Variants in CARMIL1 observed in about 807,000 individuals in gnomAD.
CARMIL1 encodes the protein capping protein regulator and myosin 1 linker 1.
In CARMIL1, 90 loss-of-function variants were observed where a neutral mutation model predicts 177.1. The observed-to-expected ratio is 0.51, with a 90% CI of 0.43 to 0.61. CARMIL1 has a LOEUF of 0.61. CARMIL1 is among the 20% of genes least tolerant of loss of function. The probability of loss-of-function intolerance (pLI) is 0.00; values close to 1 mark genes in which losing one functional copy is unlikely to be tolerated. For missense variants in CARMIL1, 1,380 were observed against 1,667.0 expected, an observed-to-expected ratio of 0.83 and a Z score of 3.00; for synonymous variants, 577 against 606.2, an observed-to-expected ratio of 0.95 and a Z score of 0.71.
chr6:25,282,754 T>G (rs1781238155), intron 1 of CARMIL1, among the ~76,000 whole-genome samples: 1 of 152,188 alleles, frequency 6.6e-6, no homozygotes, highest in Non-Finnish European at 1.5e-5. Flanking sequence ...TTCCTATGCC[T>G]TCAAGATTCA....
chr6:25,541,785 C>G (rs1223884557), intron 26 of CARMIL1, among the ~76,000 whole-genome samples: 1 of 152,104 alleles, frequency 6.6e-6, no homozygotes, highest in Non-Finnish European at 1.5e-5. Flanking sequence ...TCCCAAGTAG[C>G]TGGGACTACA....
At chr6:25,346,154 A>C (rs1277527485) in intron 2 of CARMIL1, among the ~76,000 whole-genome samples, 5 of 90,352 alleles carry the variant, frequency 5.5e-5, no homozygotes, top group Non-Finnish European at 1.2e-4. Context: ...TCTTCTTCCC[A>C]TCTCATTCAG....
At chr6:25,563,210 T>C in intron 29 of CARMIL1, 1 of 985,386 alleles carries the variant, frequency 1.0e-6, no homozygotes, top group South Asian at 4.7e-5. Flanking sequence ...AGAAACCTCA[T>C]GCTTTTCAAC....
chr6:25,367,523 A>G (rs1789955079), intron 2 of CARMIL1, among the ~76,000 whole-genome samples: 1 of 151,922 alleles, frequency 6.6e-6, no homozygotes, highest in Non-Finnish European at 1.5e-5. Context: ...CCCCCAGAAC[A>G]CTCAGCTGTG....
intron 2 of CARMIL1, among the ~76,000 whole-genome samples, chr6:25,373,685 C>T (rs372692099): frequency 3.3e-5 from 5 of 151,610 alleles, no homozygotes; most frequent in South Asian, 2.1e-4. Context: ...CTGGTTCAAG[C>T]GATTCTCCTG....
At chr6:25,443,610 A>G (rs2150809652) in intron 5 of CARMIL1, among the ~76,000 whole-genome samples, 1 of 152,358 alleles carries the variant, frequency 6.6e-6, no homozygotes, top group East Asian at 1.9e-4. Context: ...TACGTTTACT[A>G]AAGTATGCAA....
chr6:25,362,634 A>G (rs1304132848), intron 2 of CARMIL1, among the ~76,000 whole-genome samples: 3 of 152,136 alleles, frequency 2.0e-5, no homozygotes, highest in Non-Finnish European at 2.9e-5. Context: ...AGATCGTGCT[A>G]TTGCACTCCA....
intron 8 of CARMIL1, 142 bp downstream of exon 8, chr6:25,450,853 C>A (rs1798779859): frequency 1.5e-5 from 8 of 541,268 alleles, no homozygotes; most frequent in Admixed American, 3.1e-5. Context: ...CCCTTCCCTC[C>A]CCTCCCTTCC....
chr6:25,499,072 G>C (rs1401545524), intron 16 of CARMIL1, among the ~76,000 whole-genome samples: 1 of 152,296 alleles, frequency 6.6e-6, no homozygotes, highest in East Asian at 1.9e-4. Flanking sequence ...GCCACTGCTG[G>C]AGTTCTCTCT....
chr6:25,354,424 C>A lies in CARMIL1; in HGVS notation c.139-65690C>A, dbSNP rs565521960. ...GAACTCCTGGCCTCAAGTGATCCTC[C>A]CTCCTTGGCTTCCCAAAGTGCTGGG... On this transcript the variant is annotated intron_variant, in intron 2 of 36. Coordinates refer to ENST00000329474, the MANE Select transcript of CARMIL1 (RefSeq NM_017640.6). Among the ~76,000 whole-genome samples the A allele has an allele frequency of 6.8e-5, 10 of 147,574 alleles. No homozygotes were observed. The East Asian group carries it at 2.0e-3, about 29-fold the overall frequency.
chr6:25,450,968 T>C (rs1481250496), intron 8 of CARMIL1, among the ~76,000 whole-genome samples: 1 of 3,690 alleles, frequency 2.7e-4, no homozygotes, highest in Non-Finnish European at 5.9e-4. Context: ...TCTCCTCTCT[T>C]CTCTTCTCCT....
chr6:25,600,103 G>C (rs548277746), intron 32 of CARMIL1, among the ~76,000 whole-genome samples: 1 of 152,150 alleles, frequency 6.6e-6, no homozygotes, highest in Non-Finnish European at 1.5e-5. Flanking sequence ...CATTCTTAAT[G>C]TGTGCGTGCC....
At chr6:25,484,455 G>A (rs1484790431) in intron 12 of CARMIL1, among the ~76,000 whole-genome samples, 1 of 152,176 alleles carries the variant, frequency 6.6e-6, no homozygotes, top group African/African-American at 2.4e-5. Context: ...TAAGATTAAG[G>A]CATGAAAATA....
At chr6:25,503,155 T>C (rs1582170906) in intron 17 of CARMIL1, among the ~76,000 whole-genome samples, 3 of 152,230 alleles carry the variant, frequency 2.0e-5, no homozygotes, top group African/African-American at 7.2e-5. Context: ...AACAGTATTA[T>C]TGTGATAATT....
intron 31 of CARMIL1, among the ~76,000 whole-genome samples, chr6:25,591,298 A>G (rs897325250): frequency 7.9e-5 from 12 of 152,138 alleles, no homozygotes; most frequent in Admixed American, 4.6e-4. Flanking sequence ...TCACCAGCTT[A>G]TTTTCTCAGC....
intron 2 of CARMIL1, among the ~76,000 whole-genome samples, chr6:25,413,695 T>C (rs1161853537): frequency 6.6e-6 from 1 of 152,150 alleles, no homozygotes; most frequent in Non-Finnish European, 1.5e-5. Context: ...GTGGTTTGCA[T>C]GTTAAGGCTG....
intron 2 of CARMIL1, among the ~76,000 whole-genome samples, chr6:25,351,231 T>TA (rs1270610462): frequency 6.6e-6 from 1 of 150,866 alleles, no homozygotes; most frequent in Non-Finnish European, 1.5e-5. Context: ...ACAAAGGATG[T>TA]AAAATGTCTC....
intron 2 of CARMIL1, among the ~76,000 whole-genome samples, chr6:25,364,098 A>G (rs911891930): frequency 6.6e-6 from 1 of 151,614 alleles, no homozygotes; most frequent in Admixed American, 6.6e-5. Context: ...GGCATGCACT[A>G]CCATACCCAT....
chr6:25,450,592 G>A (rs1345767077), intron 7 of CARMIL1, 46 bp from the exon 8 acceptor site: 2 of 1,209,498 alleles, frequency 1.7e-6, no homozygotes, highest in Admixed American at 3.7e-5. Context: ...TGCTTTCCTG[G>A]TCATCTGCAT....
Sources: gnomAD v4.1 joint callset for allele counts (sites outside exome capture counted in the v4.1 genomes callset) on GRCh38, gnomAD v4.1.1 for gene constraint, MANE v1.5 for transcripts, NCBI Gene and HGNC (gene_info 2026-07-23, HGNC 2026-07-21) for gene names.